The following PGAP1 variants were observed in gnomAD, a reference collection of about 807,000 sequenced individuals.
PGAP1 encodes the protein GPI inositol-deacylase.
In PGAP1, 76 loss-of-function variants were observed where a neutral mutation model predicts 127.0. The observed-to-expected ratio is 0.60, with a 90% CI of 0.50 to 0.72. The LOEUF (loss-of-function observed/expected upper bound fraction) is 0.72, where lower values mean the gene tolerates loss of function less well. Among genes scored for constraint, PGAP1 ranks in the 30% least tolerant of loss-of-function variants. The probability of loss-of-function intolerance (pLI) is 0.00; values close to 1 mark genes in which losing one functional copy is unlikely to be tolerated. For synonymous variants in PGAP1, 362 were observed against 366.5 expected (o/e 0.99, Z 0.14); for missense variants, 982 against 1,071.3 (o/e 0.92, Z 1.16).
At position 196,839,636 on chromosome 2, in the gene PGAP1, G is replaced by C. The variant is rs1352691782; in HGVS notation, c.*1598C>G. 1 of 152,184 alleles carries C rather than the reference G, an allele frequency of 6.6e-6. No individual in the cohort carries two copies. The highest frequency in any genetic ancestry group is 1.5e-5 in the Non-Finnish European group (1 of 68,048). The allele number at this position is 152,184 out of a possible 1,614,324, so 9.4% of individuals were successfully genotyped here. A position where few individuals can be genotyped will look rare whatever the true frequency, so the allele number is the denominator to read the frequency against. ...ATCAAACAAACTTAAAACCCTCAGA[G>C]ATGAGAGCAAGACTCCCTTCAACTG... On this transcript the variant is annotated 3_prime_UTR_variant, in exon 27 of 27. Transcript: ENST00000354764.
At chr2:196,895,861 C>G (rs1390935464) in intron 7 of PGAP1, among the ~76,000 whole-genome samples, 1 of 152,106 alleles carries the variant, frequency 6.6e-6, no homozygotes, top group Non-Finnish European at 1.5e-5. Flanking sequence ...GGGAAATACT[C>G]CAAAAATATC....
chr2:196,919,824 C>T (rs945469142), intron 2 of PGAP1, among the ~76,000 whole-genome samples, 173 bp downstream of exon 2: 1 of 152,196 alleles, frequency 6.6e-6, no homozygotes, highest in Non-Finnish European at 1.5e-5. Flanking sequence ...GTATTTCTCA[C>T]ATTATTCTCT....
chr2:196,871,083 T>A lies in PGAP1; in HGVS notation c.1729-104A>T, dbSNP rs147313540. On this transcript the variant is annotated intron_variant, in intron 18 of 26. Coordinates refer to ENST00000354764, the MANE Select transcript of PGAP1 (RefSeq NM_024989.4). Reference sequence around the variant, plus strand: ...CATATCTCTAAGCATAATAATTGATTTTCTATAATGGTAAACCTTAAAGGC... The same window carrying A: ...CATATCTCTAAGCATAATAATTGATATTCTATAATGGTAAACCTTAAAGGC... 153 of 780,230 alleles carry A rather than the reference T, an allele frequency of 2.0e-4. No individual in the cohort carries two copies. The African/African-American group carries it at 2.6e-3, about 13-fold the overall frequency. 48.3% of individuals were successfully genotyped at this position (780,230 alleles called of 1,614,324 possible). A position where few individuals can be genotyped will look rare whatever the true frequency, so the allele number is the denominator to read the frequency against.
intron 18 of PGAP1, among the ~76,000 whole-genome samples, chr2:196,871,746 T>C (rs1701417855): frequency 6.6e-6 from 1 of 152,150 alleles, no homozygotes; most frequent in Non-Finnish European, 1.5e-5. Flanking sequence ...CCTTGAAAAG[T>C]TAGTTCTAAC....
intron 2 of PGAP1, among the ~76,000 whole-genome samples, chr2:196,919,695 T>C (rs564853226): frequency 1.3e-5 from 2 of 152,304 alleles, no homozygotes; most frequent in East Asian, 3.9e-4. Flanking sequence ...ATTTCCAACA[T>C]AAATGTGTTT....
At chr2:196,881,064 T>A (rs1437334585) in intron 12 of PGAP1, among the ~76,000 whole-genome samples, 1 of 152,126 alleles carries the variant, frequency 6.6e-6, no homozygotes, top group Non-Finnish European at 1.5e-5. Flanking sequence ...TTGTTCCCCC[T>A]ACATGTCCAT....
rs1702534679 is a variant in PGAP1, at chr2:196,902,616, A to C, written c.776T>G (p.Leu259Ter). Residue 259 changes from leucine to a stop codon, truncating the protein, a stop_gained, in exon 5 of 27, where the codon TTA becomes TGA. Coordinates refer to ENST00000354764, the MANE Select transcript of PGAP1 (RefSeq NM_024989.4). LOFTEE classifies it high-confidence loss of function. ...VRSGLTFLPK[L>*]SHHTSALSVV... Reference sequence around the variant, plus strand: ...AGATAAGGCACTGGTATGATGGCTTAATTTTGGTAGAAAAGTCAATCCTGA... The same window carrying C: ...AGATAAGGCACTGGTATGATGGCTTCATTTTGGTAGAAAAGTCAATCCTGA... The C allele has an allele frequency of 6.2e-7, 1 of 1,613,368 alleles. No homozygotes were observed. Among genetic ancestry groups the C allele is most frequent in the Non-Finnish European group, 8.5e-7 (1 of 1,179,682 alleles).
At chr2:196,880,934 T>C (rs796069814) in intron 12 of PGAP1, among the ~76,000 whole-genome samples, 24 of 152,278 alleles carry the variant, frequency 1.6e-4, no homozygotes, top group African/African-American at 5.8e-4. Flanking sequence ...ACTTGTGTCA[T>C]GGGGGTTTGT....
chr2:196,849,013 C>A (rs1360301553), intron 20 of PGAP1, among the ~76,000 whole-genome samples: 2 of 151,992 alleles, frequency 1.3e-5, no homozygotes, highest in Non-Finnish European at 2.9e-5. Context: ...GGGTATAATC[C>A]ACAGGTGATT....
chr2:196,854,199 G>A (rs139786524), intron 20 of PGAP1, among the ~76,000 whole-genome samples: 18 of 151,776 alleles, frequency 1.2e-4, no homozygotes, highest in Non-Finnish European at 2.2e-4. Flanking sequence ...ACACCCGGCC[G>A]AAAATTCTAA....
At chr2:196,881,759 A>T (rs1701740835) in intron 12 of PGAP1, among the ~76,000 whole-genome samples, 1 of 152,154 alleles carries the variant, frequency 6.6e-6, no homozygotes, top group Admixed American at 6.5e-5. Flanking sequence ...TAGATGCTGG[A>T]TATTAGACCT....
intron 20 of PGAP1, among the ~76,000 whole-genome samples, chr2:196,851,680 T>C (rs1163619087): frequency 6.6e-6 from 1 of 152,166 alleles, no homozygotes; most frequent in Non-Finnish European, 1.5e-5. Context: ...AGTACTCATA[T>C]GAGCCCCTGG....
chr2:196,901,432 AGG>A (rs1309639711), intron 5 of PGAP1, among the ~76,000 whole-genome samples: 2 of 152,210 alleles, frequency 1.3e-5, no homozygotes, highest in African/African-American at 4.8e-5. Flanking sequence ...AGATGAAAAA[AGG>A]AGTATCTATG....
In PGAP1 at chr2:196,892,363, TC is replaced by T; in HGVS notation, c.1071del (p.Trp357Ter). 1 of 1,480,610 alleles carries T rather than the reference TC, an allele frequency of 6.8e-7. No homozygotes were observed. Among genetic ancestry groups the T allele is most frequent in the Non-Finnish European group, 9.3e-7 (1 of 1,081,028 alleles). The allele number at this position is 1,480,610 out of a possible 1,614,324, so 91.7% of individuals were successfully genotyped here. On this transcript the variant is annotated frameshift_variant, in exon 9 of 27. Transcript: ENST00000354764. LOFTEE classifies it high-confidence loss of function. Reference protein sequence around the residue: ...SMWVLVKVSKWTYVAYNESEK... With the variant: ...SMWVLVKVSKXTYVAYNESEK... The stretch of plus-strand genomic sequence containing the variant: ...ATACTTACGTTGTAAGCTACATAGG[TC>T]CATTTGGACACTTTTACTAGAACCC...
intron 2 of PGAP1, among the ~76,000 whole-genome samples, chr2:196,916,867 C>T (rs548782085): frequency 3.9e-5 from 6 of 152,186 alleles, no homozygotes; most frequent in African/African-American, 1.2e-4. Flanking sequence ...TTGGTAGGAG[C>T]AACAATAGCT....
intron 22 of PGAP1, 72 bp downstream of exon 22, chr2:196,846,931 T>C: frequency 7.9e-7 from 1 of 1,264,320 alleles, no homozygotes; most frequent in East Asian, 2.5e-5. Flanking sequence ...AAATAATTAA[T>C]TTCAGGTTCC....
chr2:196,850,124 ACAGCTCCAGG>A (rs1700674964), intron 20 of PGAP1, among the ~76,000 whole-genome samples: 2 of 152,204 alleles, frequency 1.3e-5, no homozygotes, highest in Admixed American at 1.3e-4. Context: ...ACCCAAGGCT[ACAGCTCCAGG>A]AATGTTATCC....
chr2:196,904,684 C>T (rs1224192015), intron 4 of PGAP1, among the ~76,000 whole-genome samples: 9 of 151,828 alleles, frequency 5.9e-5, no homozygotes, highest in African/African-American at 9.7e-5. Flanking sequence ...GCCGAGATTG[C>T]GCCACTGCAC....
At chr2:196,859,815 T>G (rs1701003299) in intron 20 of PGAP1, among the ~76,000 whole-genome samples, 1 of 152,088 alleles carries the variant, frequency 6.6e-6, no homozygotes. Context: ...AAAATCCCTT[T>G]ATGATAAAAA....
Sources: allele counts gnomAD v4.1 joint callset (sites outside exome capture counted in the v4.1 genomes callset), GRCh38; gene constraint gnomAD v4.1.1; transcripts MANE v1.5; gene names NCBI Gene and HGNC (gene_info 2026-07-23, HGNC 2026-07-21).